Variants in RUFY3 observed in about 807,000 individuals in gnomAD.
RUFY3 encodes RUN and FYVE domain containing 3, also known as protein RUFY3.
A neutral mutation model predicts 84.0 loss-of-function variants in RUFY3; 34 were observed. That is an observed-to-expected ratio of 0.40 (90% confidence interval 0.31 to 0.54). The LOEUF is 0.54. Ranked by LOEUF, RUFY3 falls within the 20% of genes least tolerant of loss-of-function variation. The probability of loss-of-function intolerance (pLI) is 0.39; values close to 1 mark genes in which losing one functional copy is unlikely to be tolerated. For synonymous variants in RUFY3, 242 were observed against 252.9 expected (o/e 0.96, Z 0.41); for missense variants, 507 against 736.8 (o/e 0.69, Z 3.61).
At chr4:70,706,134 G>A (rs773328289) in intron 1 of RUFY3, among the ~76,000 whole-genome samples, 1 of 152,140 alleles carries the variant, frequency 6.6e-6, no homozygotes, top group African/African-American at 2.4e-5. Context: ...GACTCTTAGA[G>A]GAATGTTAAA....
At chr4:70,734,009 C>T (rs187219452) in intron 1 of RUFY3, among the ~76,000 whole-genome samples, 5 of 152,316 alleles carry the variant, frequency 3.3e-5, no homozygotes, top group Non-Finnish European at 5.9e-5. Flanking sequence ...ATGACAGTTT[C>T]ACACATCTGT....
intron 12 of RUFY3, among the ~76,000 whole-genome samples, chr4:70,790,436 C>T (rs1730622851): frequency 6.6e-6 from 1 of 152,164 alleles, no homozygotes; most frequent in African/African-American, 2.4e-5. Flanking sequence ...CCATTTTTCC[C>T]ATTTATTTCT....
intron 2 of RUFY3, 84 bp downstream of exon 2, chr4:70,762,776 C>T (rs532320140): frequency 2.6e-6 from 3 of 1,155,946 alleles, no homozygotes; most frequent in African/African-American, 3.1e-5. Context: ...CTTTGTGGAG[C>T]CAAAGAATAA....
intron 3 of RUFY3, 39 bp from the exon 4 acceptor site, chr4:70,764,436 G>A (rs1408436339): frequency 7.3e-7 from 1 of 1,369,782 alleles, no homozygotes; most frequent in Non-Finnish European, 1.0e-6. Context: ...TGCTTCTGGT[G>A]CTTATGTTTT....
chr4:70,731,815 C>T (rs1719322141), intron 1 of RUFY3, among the ~76,000 whole-genome samples: 1 of 152,188 alleles, frequency 6.6e-6, no homozygotes, highest in Non-Finnish European at 1.5e-5. Flanking sequence ...CGATCACCCG[C>T]CTCAGCCTCT....
chr4:70,790,713 T>G (rs1052673225), intron 12 of RUFY3, among the ~76,000 whole-genome samples: 4 of 152,230 alleles, frequency 2.6e-5, no homozygotes, highest in African/African-American at 9.6e-5. Context: ...TCCCTGAGAT[T>G]AGTTAACGAA....
At chr4:70,749,809 C>G (rs891627230) in intron 1 of RUFY3, among the ~76,000 whole-genome samples, 1 of 151,864 alleles carries the variant, frequency 6.6e-6, no homozygotes, top group Admixed American at 6.6e-5. Flanking sequence ...ACCACCACAC[C>G]CAGCTAATTT....
At chr4:70,804,852 G>A (rs1732669992) in intron 17 of RUFY3, among the ~76,000 whole-genome samples, 1 of 152,030 alleles carries the variant, frequency 6.6e-6, no homozygotes, top group Non-Finnish European at 1.5e-5. Flanking sequence ...TTGAACCCGG[G>A]AGGCGGAGGT....
intron 2 of RUFY3, 131 bp from the exon 3 acceptor site, chr4:70,763,421 G>T: frequency 3.2e-6 from 2 of 632,626 alleles, no homozygotes; most frequent in Admixed American, 5.6e-5. Flanking sequence ...CTAAAAGCAT[G>T]AATGAATCCA....
At chr4:70,762,204 A>G (rs549114736) in intron 1 of RUFY3, among the ~76,000 whole-genome samples, 32 of 152,326 alleles carry the variant, frequency 2.1e-4, no homozygotes, top group African/African-American at 7.7e-4. Context: ...AGTTCCAGCT[A>G]CTTGGGAGGC....
intron 7 of RUFY3, among the ~76,000 whole-genome samples, chr4:70,776,383 T>C (rs532855505): frequency 2.0e-5 from 3 of 152,324 alleles, no homozygotes; most frequent in African/African-American, 7.2e-5. Context: ...CAGGTTTTTT[T>C]CCCCCTTCAG....
At chr4:70,715,588 C>CAAAAAAA (rs886636641) in intron 1 of RUFY3, among the ~76,000 whole-genome samples, 1 of 46,670 alleles carries the variant, frequency 2.1e-5, no homozygotes. Flanking sequence ...ACACTATCTC[C>CAAAAAAA]AAAAAAAAAA....
At chr4:70,749,072 CTTTT>C (rs941873471) in intron 1 of RUFY3, among the ~76,000 whole-genome samples, 3 of 152,058 alleles carry the variant, frequency 2.0e-5, no homozygotes, top group African/African-American at 7.2e-5. Flanking sequence ...TTTTTCTTTT[CTTTT>C]CTTTTCTTTT....
At chr4:70,719,921 A>G (rs1180614853), upstream of RUFY3, among the ~76,000 whole-genome samples, 2 of 152,202 alleles carry the variant, frequency 1.3e-5, no homozygotes, top group Admixed American at 6.5e-5. Flanking sequence ...GAATGAATGA[A>G]TGGCTCTGAG....
At chr4:70,743,827 G>A (rs1721717244) in intron 1 of RUFY3, among the ~76,000 whole-genome samples, 1 of 152,004 alleles carries the variant, frequency 6.6e-6, no homozygotes, top group African/African-American at 2.4e-5. Context: ...GGGAGAGGGA[G>A]ATGGCTTCAC....
chr4:70,791,280 A>T (rs1730773287), intron 12 of RUFY3: 1 of 1,613,482 alleles, frequency 6.2e-7, no homozygotes, highest in African/African-American at 1.3e-5. Flanking sequence ...AAATAAACTG[A>T]TCCCAAAACA....
chr4:70,736,052 G>A (rs1720227447), intron 1 of RUFY3, among the ~76,000 whole-genome samples: 1 of 151,856 alleles, frequency 6.6e-6, no homozygotes, highest in African/African-American at 2.4e-5. Context: ...AGGCTGACGT[G>A]GGAGGATGGG....
At chr4:70,787,606 C>G (rs1034769181) in intron 10 of RUFY3, among the ~76,000 whole-genome samples, 2 of 151,962 alleles carry the variant, frequency 1.3e-5, no homozygotes, top group Non-Finnish European at 2.9e-5. Context: ...TTTTGACATC[C>G]TTAAAATAGT....
chr4:70,757,846 A>C (rs138142437), intron 1 of RUFY3, among the ~76,000 whole-genome samples: 1 of 152,296 alleles, frequency 6.6e-6, no homozygotes, highest in Non-Finnish European at 1.5e-5. Context: ...TAGATGTTCA[A>C]TATGTATTGA....
Sources: gnomAD v4.1 joint callset for allele counts (sites outside exome capture counted in the v4.1 genomes callset) on GRCh38, gnomAD v4.1.1 for gene constraint, MANE v1.5 for transcripts, NCBI Gene and HGNC (gene_info 2026-07-23, HGNC 2026-07-21) for gene names.